The following MARCHF8 variants were observed in gnomAD, a reference collection of about 807,000 sequenced individuals.
MARCHF8 encodes the protein membrane associated ring-CH-type finger 8, also known as E3 ubiquitin-protein ligase MARCHF8.
A neutral mutation model predicts 51.6 loss-of-function variants in MARCHF8; 40 were observed. The observed-to-expected ratio is 0.77, with a 90% CI of 0.60 to 1.01. MARCHF8 has a LOEUF of 1.01. MARCHF8 is among the 50% of genes least tolerant of loss of function. The pLI, the probability that MARCHF8 is intolerant of heterozygous loss-of-function variation, is 0.00. For synonymous variants in MARCHF8, 263 were observed against 280.3 expected (o/e 0.94, Z 0.62); for missense variants, 685 against 708.6 (o/e 0.97, Z 0.38).
intron 2 of MARCHF8, among the ~76,000 whole-genome samples, chr10:45,518,277 G>A (rs892673546): frequency 1.3e-5 from 2 of 152,190 alleles, no homozygotes; most frequent in African/African-American, 4.8e-5. Context: ...TGACCCCTGA[G>A]TATCTGTGAT....
chr10:45,516,528 C>A (rs1407286164), intron 2 of MARCHF8, among the ~76,000 whole-genome samples: 1 of 152,074 alleles, frequency 6.6e-6, no homozygotes, highest in African/African-American at 2.4e-5. Flanking sequence ...CTTTGGGAGG[C>A]CAAGGTGGGT....
upstream of MARCHF8, among the ~76,000 whole-genome samples, chr10:45,536,546 A>C (rs970812792): frequency 6.6e-6 from 1 of 152,130 alleles, no homozygotes; most frequent in Non-Finnish European, 1.5e-5. Flanking sequence ...GAACTCAAGA[A>C]AGGCCTGGGC....
intron 1 of MARCHF8, among the ~76,000 whole-genome samples, chr10:45,533,949 C>G (rs2043931935): frequency 6.6e-6 from 1 of 152,158 alleles, no homozygotes; most frequent in South Asian, 2.1e-4. Flanking sequence ...TTTGGGAGGC[C>G]AAGGCGGGCA....
At position 45,463,176 on chromosome 10, in the gene MARCHF8, C is replaced by A; in HGVS notation, c.1063G>T (p.Val355Leu). Reference sequence around the variant, plus strand: ...CTGCAGACATCCCCTGACGTGGACACGGGAGATATGGGGGGTAATTTTTCA... The same window carrying A: ...CTGCAGACATCCCCTGACGTGGACAAGGGAGATATGGGGGGTAATTTTTCA... ...FSEKLPPISP[V>L]STSGDVCRIC... Residue 355 changes from valine to leucine, a missense_variant, in exon 5 of 8, where the codon GTG (valine) becomes TTG (leucine). Physicochemically the swap from Val to Leu is conservative, Grantham distance 32. Coordinates refer to ENST00000453424, the MANE Select transcript of MARCHF8 (RefSeq NM_001282866.2). 8 of 1,550,364 alleles carry A rather than the reference C, an allele frequency of 5.2e-6. No individual in the cohort carries two copies. Among genetic ancestry groups the A allele is most frequent in the Non-Finnish European group, 7.0e-6 (8 of 1,146,896 alleles).
At chr10:45,474,383 C>T (rs923285610) in intron 3 of MARCHF8, among the ~76,000 whole-genome samples, 4 of 152,056 alleles carry the variant, frequency 2.6e-5, no homozygotes, top group African/African-American at 9.7e-5. Context: ...TCCTGGTACC[C>T]CGAGACAATG....
At position 45,532,184 on chromosome 10, in the gene MARCHF8, ATTG is replaced by A. The variant is rs142326245; in HGVS notation, c.102+923_102+925del. ...AATAAAAATCCCCATTCTACAAATAATTGATTAATGCTATTTATTTAGACCTTA... is the reference window on the plus strand; with the variant it reads ...AATAAAAATCCCCATTCTACAAATAAATTAATGCTATTTATTTAGACCTTA... On this transcript the variant is annotated intron_variant, in intron 2 of 7. Transcript: ENST00000453424. Among the ~76,000 whole-genome samples, 279 of 152,342 alleles carry A rather than the reference ATTG, an allele frequency of 1.8e-3. 6 individuals carry two copies. The East Asian group carries it at 0.026, about 14-fold the overall frequency.
At position 45,458,469 on chromosome 10, in the gene MARCHF8, AC is replaced by A; in HGVS notation, c.1491del (p.Met497IlefsTer21). On this transcript the variant is annotated frameshift_variant, in exon 8 of 8. Transcript: ENST00000453424. LOFTEE classifies it high-confidence loss of function. ...AIGFTGGLLF[M>X]YVQCKVYVQL... Reference sequence around the variant, plus strand: ...TGCACATACACTTTACACTGAACATACATAAAAAGAAGTCCTCCGGTGAAGC... The same window carrying A: ...TGCACATACACTTTACACTGAACATAATAAAAAGAAGTCCTCCGGTGAAGC... The A allele has an allele frequency of 1.2e-6, 2 of 1,613,646 alleles. No homozygotes were observed. Among genetic ancestry groups the A allele is most frequent in the Non-Finnish European group, 1.7e-6 (2 of 1,179,870 alleles).
In MARCHF8 at chr10:45,564,981, C is replaced by T. The variant is rs549592686; in HGVS notation, c.-79+29254G>A. Reference sequence around the variant, plus strand: ...GCAAATAACATATAAAAACTAGGATCCACTAAAAAAAAAAAAAAAAAAAAT... The same window carrying T: ...GCAAATAACATATAAAAACTAGGATTCACTAAAAAAAAAAAAAAAAAAAAT... On this transcript the variant is annotated intron_variant, in intron 1 of 6. Transcript: ENST00000319836. Among the ~76,000 whole-genome samples, 6 of 109,344 alleles carry T rather than the reference C, an allele frequency of 5.5e-5. No individual in the cohort carries two copies. In the South Asian group the frequency reaches 1.8e-3, roughly 33 times the overall value. The allele number at this position is 109,344 out of a possible 152,430, so 71.7% of individuals were successfully genotyped here. A position where few individuals can be genotyped will look rare whatever the true frequency, so the allele number is the denominator to read the frequency against.
chr10:45,575,587 C>T (rs1321522199), intron 1 of MARCHF8, among the ~76,000 whole-genome samples: 1 of 152,134 alleles, frequency 6.6e-6, no homozygotes, highest in Non-Finnish European at 1.5e-5. Flanking sequence ...GCTCCTAATC[C>T]CGCCCTGAGA....
At chr10:45,583,830 G>A (rs2133429317) in intron 1 of MARCHF8, among the ~76,000 whole-genome samples, 1 of 151,726 alleles carries the variant, frequency 6.6e-6, no homozygotes, top group South Asian at 2.1e-4. Flanking sequence ...TTGGATAAAA[G>A]CAGTAACAAA....
At chr10:45,527,444 A>T (rs1419081858) in intron 2 of MARCHF8, among the ~76,000 whole-genome samples, 1 of 152,266 alleles carries the variant, frequency 6.6e-6, no homozygotes, top group South Asian at 2.1e-4. Flanking sequence ...AAATGATACC[A>T]CAGAAATACA....
chr10:45,494,639 G>T (rs1450042591), intron 2 of MARCHF8, among the ~76,000 whole-genome samples: 1 of 152,150 alleles, frequency 6.6e-6, no homozygotes, highest in Non-Finnish European at 1.5e-5. Flanking sequence ...ATTAACTAAA[G>T]ATTTCCTGGG....
At chr10:45,513,495 CAG>C (rs2043568858) in intron 2 of MARCHF8, among the ~76,000 whole-genome samples, 1 of 152,106 alleles carries the variant, frequency 6.6e-6, no homozygotes, top group Non-Finnish European at 1.5e-5. Flanking sequence ...CTGGTTGTCT[CAG>C]AGCTCAGGGC....
At chr10:45,531,183 G>A (rs1350932409) in intron 2 of MARCHF8, among the ~76,000 whole-genome samples, 1 of 152,106 alleles carries the variant, frequency 6.6e-6, no homozygotes, top group African/African-American at 2.4e-5. Context: ...AAGAAAGAAT[G>A]GGGGGACAGA....
intron 3 of MARCHF8, among the ~76,000 whole-genome samples, chr10:45,488,528 A>G (rs941695993): frequency 2.0e-5 from 3 of 152,290 alleles, no homozygotes; most frequent in South Asian, 2.1e-4. Flanking sequence ...CCTGGAGACT[A>G]TATGATCAAA....
intron 2 of MARCHF8, among the ~76,000 whole-genome samples, chr10:45,503,628 G>A (rs912149346): frequency 3.3e-5 from 5 of 151,628 alleles, no homozygotes; most frequent in Non-Finnish European, 5.9e-5. Context: ...TAGGAAACTC[G>A]TTTCATTGAT....
At chr10:45,529,944 G>A (rs1376815562) in intron 2 of MARCHF8, among the ~76,000 whole-genome samples, 4 of 152,148 alleles carry the variant, frequency 2.6e-5, no homozygotes, top group Admixed American at 6.5e-5. Flanking sequence ...GGGGATCTAC[G>A]CAAAGGGAAA....
At chr10:45,591,918 G>C (rs1161321147) in intron 1 of MARCHF8, among the ~76,000 whole-genome samples, 2 of 152,130 alleles carry the variant, frequency 1.3e-5, no homozygotes, top group Non-Finnish European at 2.9e-5. Context: ...ACCTCCTCCA[G>C]AGATTTTCTT....
At chr10:45,462,634 G>GT (rs147278638) in intron 5 of MARCHF8, among the ~76,000 whole-genome samples, 34,316 of 145,116 alleles carry the variant, frequency 0.24, 4,104 homozygotes, top group Admixed American at 0.3. Context: ...GTTTTGTTTT[G>GT]TTTTTTTTTA....
Sources: gnomAD v4.1 joint callset for allele counts (sites outside exome capture counted in the v4.1 genomes callset) on GRCh38, gnomAD v4.1.1 for gene constraint, MANE v1.5 for transcripts, NCBI Gene and HGNC (gene_info 2026-07-23, HGNC 2026-07-21) for gene names.